The following ZNF500 variants were observed in gnomAD, a reference collection of about 807,000 sequenced individuals.
The protein encoded by ZNF500 is zinc finger protein with KRAB and SCAN domains 18.
ZNF500 carries 31 observed loss-of-function variants against 30.1 expected under a neutral mutation model. The ratio of observed to expected loss-of-function variants is 1.03; its 90% CI spans 0.77 to 1.39. The LOEUF is 1.39. Ranked by LOEUF, ZNF500 falls within the 40% of genes most tolerant of loss-of-function variation. The pLI is 0.00. For synonymous variants in ZNF500, 392 were observed against 282.0 expected (o/e 1.39, Z -3.91); for missense variants, 817 against 657.8 (o/e 1.24, Z -2.65).
intron 5 of ZNF500, among the ~76,000 whole-genome samples, chr16:4,754,469 G>A (rs1395438435): frequency 6.6e-6 from 1 of 151,960 alleles, no homozygotes; most frequent in Non-Finnish European, 1.5e-5. Flanking sequence ...AGACCAGCCT[G>A]GCCAACATGG....
chr16:4,750,099 TGA>T lies in ZNF500; in HGVS notation c.*2275_*2276del, dbSNP rs995651515. ...GCCACCTCCAGCACAGGCCTGGATA[TGA>T]GAGAGGGGCCTGGGGGCTCAGGCTG... On this transcript the variant is annotated 3_prime_UTR_variant, in exon 6 of 6. Transcript: ENST00000219478. 3.9e-5 allele frequency: 6 copies of T among 152,418 alleles called. No individual in the cohort carries two copies. Among genetic ancestry groups the T allele is most frequent in the African/African-American group, 1.2e-4 (5 of 41,414 alleles). 9.4% of individuals were successfully genotyped at this position (152,418 alleles called of 1,614,324 possible).
At position 4,751,998 on chromosome 16, in the gene ZNF500, G is replaced by A. The variant is rs1227173813; in HGVS notation, c.*378C>T. ...CACAGGAGAGGGGTTGGGACGTGGG[G>A]ATGAGGCTGTATGCCAGCAGCCACT... On this transcript the variant is annotated 3_prime_UTR_variant, in exon 6 of 6. Coordinates refer to ENST00000219478, the MANE Select transcript of ZNF500 (RefSeq NM_021646.4). 11 of 1,064,204 alleles carry A rather than the reference G, an allele frequency of 1.0e-5. No individual in the cohort carries two copies. The East Asian group carries it at 3.7e-4, about 36-fold the overall frequency. 65.9% of individuals were successfully genotyped at this position (1,064,204 alleles called of 1,614,324 possible). A position where few individuals can be genotyped will look rare whatever the true frequency, so the allele number is the denominator to read the frequency against.
chr16:4,754,289 C>T (rs1365979447), intron 5 of ZNF500, among the ~76,000 whole-genome samples: 3 of 152,178 alleles, frequency 2.0e-5, no homozygotes, highest in African/African-American at 4.8e-5. Flanking sequence ...TTGCCCTCCC[C>T]TCCCATCTCC....
At chr16:4,745,037 C>T, downstream of ZNF500, 1 of 1,606,122 alleles carries the variant, frequency 6.2e-7, no homozygotes, top group Non-Finnish European at 8.5e-7. Context: ...AGGCCCGGCT[C>T]CTGTGGTCCT....
rs543943244 is a variant in ZNF500, at chr16:4,757,672, G to C, written c.760+2820C>G. 1.3e-3 allele frequency among the ~76,000 whole-genome samples: 201 copies of C among 151,594 alleles called. 1 individual carries two copies. Among genetic ancestry groups the C allele is most frequent in the African/African-American group, 4.5e-3 (187 of 41,272 alleles). On this transcript the variant is annotated intron_variant, in intron 5 of 5. Coordinates refer to ENST00000219478, the MANE Select transcript of ZNF500 (RefSeq NM_021646.4). ...GACTGGAGTGCAGTGGTGTGATCTC[G>C]GCTCACTGCAACCTCCGCCTCCCGG...
At position 4,762,722 on chromosome 16, in the gene ZNF500, A is replaced by AG; in HGVS notation, c.448dup (p.Leu150ProfsTer104). On this transcript the variant is annotated frameshift_variant, in exon 3 of 6. Transcript: ENST00000219478. LOFTEE classifies it high-confidence loss of function. ...TTTTAAGAACTGTCCCCCTATCCCG[A>AG]GGGGCACCTCGTCATCAGAAAGCAG... 6.2e-7 allele frequency: 1 copy of AG among 1,612,518 alleles called. No individual in the cohort carries two copies. Among genetic ancestry groups the AG allele is most frequent in the Non-Finnish European group, 8.5e-7 (1 of 1,179,180 alleles).
downstream of ZNF500, chr16:4,746,346 C>G: frequency 6.3e-7 from 1 of 1,598,732 alleles, no homozygotes; most frequent in Admixed American, 1.7e-5. Context: ...AGAGAACTGA[C>G]TCCACAACAC....
downstream of ZNF500, chr16:4,747,684 C>A: frequency 6.6e-7 from 1 of 1,524,122 alleles, no homozygotes; most frequent in South Asian, 1.2e-5. Context: ...GCCATGGACC[C>A]TGGGCCCCGG....
rs759661579 is a variant in ZNF500 at position 4,762,592 on chromosome 16, C to T, written c.579G>A (p.Pro193=). The T allele has an allele frequency of 5.6e-6, 9 of 1,613,124 alleles. No individual in the cohort carries two copies. Among genetic ancestry groups the T allele is most frequent in the East Asian group, 4.5e-5 (2 of 44,872 alleles). Residue 193 remains proline (P), a synonymous_variant, in exon 3 of 6, where the codon CCG becomes CCA. Coordinates refer to ENST00000219478, the MANE Select transcript of ZNF500 (RefSeq NM_021646.4). ...ACTCACCTCTCTCTGGCCACAACAGCGGGCCCCTCTGTGGCCTGTGGCTCA... is the reference window on the plus strand; with the variant it reads ...ACTCACCTCTCTCTGGCCACAACAGTGGGCCCCTCTGTGGCCTGTGGCTCA... ...AQLSHRPQRG[P]LLWPERGPPA...
At chr16:4,755,261 C>T (rs1246959118) in intron 5 of ZNF500, among the ~76,000 whole-genome samples, 2 of 152,174 alleles carry the variant, frequency 1.3e-5, no homozygotes, top group Non-Finnish European at 2.9e-5. Flanking sequence ...TCCCAAAGTG[C>T]TGAGATATAG....
rs1442997470 is a variant in ZNF500, at chr16:4,751,854, G to C, written c.*522C>G. 1 of 454,282 alleles carries C rather than the reference G, an allele frequency of 2.2e-6. No individual in the cohort carries two copies. Among genetic ancestry groups the C allele is most frequent in the East Asian group, 5.2e-5 (1 of 19,126 alleles). 28.1% of individuals were successfully genotyped at this position (454,282 alleles called of 1,614,324 possible). On this transcript the variant is annotated 3_prime_UTR_variant, in exon 6 of 6. Coordinates refer to ENST00000219478, the MANE Select transcript of ZNF500 (RefSeq NM_021646.4). ...GCCCAGGGATTCGAGGCTGCAGTGA[G>C]CTATGATCATGGCACTGTATTCCCG...
chr16:4,746,792 C>T (rs1178507168), downstream of ZNF500: 12 of 851,420 alleles, frequency 1.4e-5, no homozygotes, highest in African/African-American at 5.2e-5. Context: ...CCTGGCAGGA[C>T]GTCCACCGGC....
intron 2 of ZNF500, among the ~76,000 whole-genome samples, chr16:4,763,398 C>T (rs575844828): frequency 7.1e-5 from 10 of 140,766 alleles, no homozygotes; most frequent in Admixed American, 2.2e-4. Flanking sequence ...GACTCCATCT[C>T]AGGGAAGAAA....
intron 4 of ZNF500, among the ~76,000 whole-genome samples, chr16:4,761,621 G>C (rs1294782207): frequency 6.6e-6 from 1 of 151,666 alleles, no homozygotes; most frequent in African/African-American, 2.4e-5. Context: ...TTAGGCAAGA[G>C]GATCACTTGA....
At chr16:4,748,004 C>G (rs1243553187), downstream of ZNF500, among the ~76,000 whole-genome samples, 1 of 152,058 alleles carries the variant, frequency 6.6e-6, no homozygotes, top group Non-Finnish European at 1.5e-5. Context: ...TCAATAAGGT[C>G]TTTTTAAAAA....
downstream of ZNF500, chr16:4,746,192 G>A (rs1402251003): frequency 4.9e-5 from 29 of 587,140 alleles, no homozygotes; most frequent in South Asian, 6.1e-4. Context: ...GTTGGCCAGT[G>A]GTGGCCTAAA....
Position 4,762,932 on chromosome 16 carries a change from C to T in ZNF500, c.415-176G>A, listed in dbSNP as rs2082223267. 4.1e-6 allele frequency: 4 copies of T among 985,262 alleles called. No homozygotes were observed. In the South Asian group the frequency reaches 1.4e-4, roughly 35 times the overall value. The allele number at this position is 985,262 out of a possible 1,614,324, so 61.0% of individuals were successfully genotyped here. A position where few individuals can be genotyped will look rare whatever the true frequency, so the allele number is the denominator to read the frequency against. On this transcript the variant is annotated intron_variant, in intron 2 of 5. Transcript: ENST00000219478. Reference sequence around the variant, plus strand: ...AGTGTTCCCTGCAGCCAGCTCCCAGCCTGCTCTACTCCATGGTCTCTCCCT... The same window carrying T: ...AGTGTTCCCTGCAGCCAGCTCCCAGTCTGCTCTACTCCATGGTCTCTCCCT...
intron 4 of ZNF500, among the ~76,000 whole-genome samples, chr16:4,761,036 C>A (rs541583750): frequency 6.6e-6 from 1 of 152,166 alleles, no homozygotes; most frequent in Admixed American, 6.6e-5. Flanking sequence ...CTTTCCAGAA[C>A]AGGCAAATTC....
chr16:4,746,722 C>T (rs747290054), downstream of ZNF500: 11 of 796,578 alleles, frequency 1.4e-5, no homozygotes, highest in Non-Finnish European at 1.9e-5. Context: ...GGGCTGGGCT[C>T]TATGCAATAG....
Sources: gnomAD v4.1 joint callset for allele counts (sites outside exome capture counted in the v4.1 genomes callset) on GRCh38, gnomAD v4.1.1 for gene constraint, MANE v1.5 for transcripts, NCBI Gene and HGNC (gene_info 2026-07-23, HGNC 2026-07-21) for gene names.